AGBL1: variants seen among roughly 807,000 people sequenced by gnomAD.
AGBL1 encodes the protein AGBL carboxypeptidase 1, also known as cytosolic carboxypeptidase 4.
AGBL1 carries 130 observed loss-of-function variants against 118.9 expected under a neutral mutation model. The observed-to-expected ratio is 1.09, with a 90% CI of 0.95 to 1.26. The LOEUF (loss-of-function observed/expected upper bound fraction) is 1.26. Among genes scored for constraint, AGBL1 ranks in the 50% most tolerant of loss-of-function variants. The pLI, the probability that AGBL1 is intolerant of heterozygous loss-of-function variation, is 0.00. For synonymous variants in AGBL1, 555 were observed against 478.9 expected (o/e 1.16, Z -2.08); for missense variants, 1,584 against 1,298.1 (o/e 1.22, Z -3.38).
intron 22 of AGBL1, among the ~76,000 whole-genome samples, chr15:86,859,496 C>G (rs1351802565): frequency 6.6e-6 from 1 of 152,144 alleles, no homozygotes; most frequent in African/African-American, 2.4e-5. Flanking sequence ...AATCTATCTC[C>G]CATGAAGAGT....
At chr15:86,124,940 TG>T (rs1166273099) in intron 1 of AGBL1, among the ~76,000 whole-genome samples, 2 of 152,206 alleles carry the variant, frequency 1.3e-5, no homozygotes, top group Non-Finnish European at 2.9e-5. Flanking sequence ...GACTTTATTT[TG>T]GGGAGGAATT....
intron 17 of AGBL1, among the ~76,000 whole-genome samples, chr15:86,359,031 A>T (rs1364522988): frequency 9.9e-5 from 15 of 151,612 alleles, no homozygotes; most frequent in African/African-American, 2.7e-4. Context: ...GTTTGGTGTA[A>T]TCCTACTTGT....
At chr15:86,402,201 T>C (rs1372257234) in intron 18 of AGBL1, among the ~76,000 whole-genome samples, 1 of 152,024 alleles carries the variant, frequency 6.6e-6, no homozygotes, top group Admixed American at 6.6e-5. Flanking sequence ...TTTATTTATT[T>C]ATTTATTTAT....
chr15:86,087,584 C>A (rs1342193594), intron 1 of AGBL1, among the ~76,000 whole-genome samples: 2 of 152,186 alleles, frequency 1.3e-5, no homozygotes, highest in Non-Finnish European at 2.9e-5. Context: ...CCCTCCTCAG[C>A]CTCCCAAAGT....
chr15:86,598,838 G>C (rs551500211), intron 21 of AGBL1, among the ~76,000 whole-genome samples: 26 of 152,234 alleles, frequency 1.7e-4, no homozygotes, highest in Admixed American at 7.2e-4. Flanking sequence ...AGTGAAATTA[G>C]GGTCAACTGT....
intron 1 of AGBL1, chr15:86,107,552 G>A (rs1897123565): frequency 6.6e-6 from 1 of 152,138 alleles, no homozygotes; most frequent in Non-Finnish European, 1.5e-5. Flanking sequence ...TTTTGCTTTT[G>A]GAGCAGAAGC....
At chr15:86,266,891 T>G (rs978356076) in intron 12 of AGBL1, 99 bp from the exon 13 acceptor site, 1 of 1,055,826 alleles carries the variant, frequency 9.5e-7, no homozygotes, top group Non-Finnish European at 1.4e-6. Context: ...CAGAGTGAGA[T>G]TCTGTCTCAA....
At chr15:86,696,977 A>G (rs1596379001) in intron 22 of AGBL1, among the ~76,000 whole-genome samples, 1 of 151,814 alleles carries the variant, frequency 6.6e-6, no homozygotes, top group African/African-American at 2.4e-5. Flanking sequence ...GCTGTTAATA[A>G]GATAGTTTTT....
rs1242431794 is a variant in AGBL1, at chr15:86,277,317, T to C, written c.2076-2322T>C. The stretch of plus-strand genomic sequence containing the variant: ...GTGTGTGTGTGCATGTGTGTGTGTG[T>C]ATGTGTGTGTGTGTGTGTGTGTATG... On this transcript the variant is annotated intron_variant, in intron 15 of 22. Coordinates refer to ENST00000614907, the MANE Select transcript of AGBL1 (RefSeq NM_001386094.1). 6.9e-5 allele frequency among the ~76,000 whole-genome samples: 7 copies of C among 100,764 alleles called. No homozygotes were observed. In the East Asian group the frequency reaches 1.2e-3, roughly 17 times the overall value. The allele number at this position is 100,764 out of a possible 152,430, so 66.1% of individuals were successfully genotyped here.
At chr15:86,449,143 G>T (rs1451907455) in intron 18 of AGBL1, among the ~76,000 whole-genome samples, 1 of 152,080 alleles carries the variant, frequency 6.6e-6, no homozygotes, top group Non-Finnish European at 1.5e-5. Context: ...GGAAGAAATG[G>T]AACTCAGAAA....
intron 23 of AGBL1, among the ~76,000 whole-genome samples, chr15:86,925,137 AGAG>A (rs1346012082): frequency 7.9e-5 from 2 of 25,316 alleles, no homozygotes; most frequent in Admixed American, 3.2e-4. Flanking sequence ...AGGAAGAGGA[AGAG>A]GAAGAGGAGG....
chr15:86,331,747 C>T (rs2141863805), intron 17 of AGBL1, among the ~76,000 whole-genome samples: 2 of 152,314 alleles, frequency 1.3e-5, no homozygotes, highest in Middle Eastern at 3.4e-3. Flanking sequence ...ATAGCAAGTG[C>T]TATGGGAATT....
At chr15:86,315,862 G>A (rs748608348) in intron 17 of AGBL1, among the ~76,000 whole-genome samples, 6 of 152,234 alleles carry the variant, frequency 3.9e-5, no homozygotes, top group Non-Finnish European at 8.8e-5. Context: ...CTGGTCAAAG[G>A]GAAGGATATA....
intron 7 of AGBL1, among the ~76,000 whole-genome samples, chr15:86,253,329 C>T (rs1170538112): frequency 6.6e-6 from 1 of 152,202 alleles, no homozygotes; most frequent in Non-Finnish European, 1.5e-5. Flanking sequence ...TGGCTCACTG[C>T]AGCCTCCGCC....
chr15:86,587,313 C>T (rs1235486063), intron 21 of AGBL1, among the ~76,000 whole-genome samples: 2 of 152,150 alleles, frequency 1.3e-5, no homozygotes, highest in Admixed American at 6.5e-5. Flanking sequence ...GACCTCTATG[C>T]TCCTTGGCCT....
At chr15:86,998,289 T>C (rs1369421780) in intron 24 of AGBL1, among the ~76,000 whole-genome samples, 1 of 152,206 alleles carries the variant, frequency 6.6e-6, no homozygotes, top group African/African-American at 2.4e-5. Context: ...CAATTGACTC[T>C]ATCCTTTCAT....
intron 23 of AGBL1, among the ~76,000 whole-genome samples, chr15:86,978,442 T>C (rs2081196455): frequency 1.3e-5 from 2 of 152,326 alleles, no homozygotes; most frequent in Non-Finnish European, 1.5e-5. Flanking sequence ...AAATAGCTTC[T>C]GGGAAATGTC....
intron 23 of AGBL1, among the ~76,000 whole-genome samples, chr15:86,956,351 G>A (rs1410978314): frequency 6.6e-6 from 1 of 151,990 alleles, no homozygotes; most frequent in Non-Finnish European, 1.5e-5. Context: ...GATGATAGAT[G>A]AAAAGAGAGT....
At chr15:86,368,502 CAATT>C (rs1216765919) in intron 17 of AGBL1, among the ~76,000 whole-genome samples, 4 of 152,086 alleles carry the variant, frequency 2.6e-5, no homozygotes, top group Admixed American at 6.6e-5. Flanking sequence ...GAAATAATGT[CAATT>C]AAGAAGTGTG....
Sources: gnomAD v4.1 joint callset for allele counts (sites outside exome capture counted in the v4.1 genomes callset) on GRCh38, gnomAD v4.1.1 for gene constraint, MANE v1.5 for transcripts, NCBI Gene and HGNC (gene_info 2026-07-23, HGNC 2026-07-21) for gene names.